Variants in IGF1R observed in about 807,000 individuals in gnomAD.
IGF1R encodes the protein insulin like growth factor 1 receptor.
A neutral mutation model predicts 144.6 loss-of-function variants in IGF1R; 44 were observed. The ratio of observed to expected loss-of-function variants is 0.30; its 90% confidence interval spans 0.24 to 0.39. The LOEUF is 0.39. Among genes scored for constraint, IGF1R ranks in the 10% least tolerant of loss-of-function variants. The pLI is 1.00. For missense variants in IGF1R, 1,355 were observed against 1,833.7 expected, an observed-to-expected ratio of 0.74 and a Z score of 4.77; for synonymous variants, 795 against 722.8, an observed-to-expected ratio of 1.10 and a Z score of -1.60.
At chr15:98,826,078 C>T (rs2056889926) in intron 2 of IGF1R, among the ~76,000 whole-genome samples, 1 of 152,148 alleles carries the variant, frequency 6.6e-6, no homozygotes, top group Admixed American at 6.5e-5. Flanking sequence ...TGGGGCCTGC[C>T]ATGTTAAATG....
At chr15:98,864,534 C>T (rs542243339) in intron 2 of IGF1R, among the ~76,000 whole-genome samples, 9 of 152,260 alleles carry the variant, frequency 5.9e-5, no homozygotes, top group Non-Finnish European at 8.8e-5. Flanking sequence ...CCACTACAGG[C>T]GTGTGCCACC....
In IGF1R at chr15:98,824,656, T is replaced by C. The variant is rs116924284; in HGVS notation, c.641-66669T>C. 9.1e-4 allele frequency among the ~76,000 whole-genome samples: 138 copies of C among 152,332 alleles called. 1 individual carries two copies. The East Asian group carries it at 0.018, about 20-fold the overall frequency. ...GCTGGGCCCTTGTCTCCCACCCCAC[T>C]GCTGTTACTCATGTGTTCTCCCACT... On this transcript the variant is annotated intron_variant, in intron 2 of 20. Coordinates refer to ENST00000650285, the MANE Select transcript of IGF1R (RefSeq NM_000875.5).
rs201419794 is a variant in IGF1R, at chr15:98,797,832, TAGAC to T, written c.640+89729_640+89732del. Among the ~76,000 whole-genome samples the T allele has an allele frequency of 8.8e-3, 1,336 of 152,218 alleles. 28 individuals carry two copies. Among genetic ancestry groups the T allele is most frequent in the African/African-American group, 0.031 (1,295 of 41,520 alleles). On this transcript the variant is annotated intron_variant, in intron 2 of 20. Transcript: ENST00000650285. ...GTGGTAGAAACAGACAACAAACAAGTAGACAGAAAATAATGTCAGACAGTGGTAA... is the reference window on the plus strand; with the variant it reads ...GTGGTAGAAACAGACAACAAACAAGTAGAAAATAATGTCAGACAGTGGTAA...
At chr15:98,796,738 G>A (rs2056251567) in intron 2 of IGF1R, among the ~76,000 whole-genome samples, 1 of 152,116 alleles carries the variant, frequency 6.6e-6, no homozygotes, top group South Asian at 2.1e-4. Context: ...CATACACACA[G>A]GCATGCACAC....
intron 2 of IGF1R, among the ~76,000 whole-genome samples, chr15:98,867,009 G>A (rs1378047585): frequency 6.6e-6 from 1 of 152,154 alleles, no homozygotes; most frequent in Admixed American, 6.5e-5. Context: ...CAGTGAAGCT[G>A]TTCTTCAGCC....
At chr15:98,876,299 A>G (rs2013055065) in intron 2 of IGF1R, among the ~76,000 whole-genome samples, 1 of 146,704 alleles carries the variant, frequency 6.8e-6, no homozygotes. Context: ...ACAAAAAAAG[A>G]AAACTATTAA....
chr15:98,740,034 G>A (rs565144799), intron 2 of IGF1R, among the ~76,000 whole-genome samples: 14 of 152,206 alleles, frequency 9.2e-5, no homozygotes, highest in African/African-American at 3.1e-4. Context: ...AGAACTCTGC[G>A]TGTTGACGAC....
At chr15:98,739,693 C>T (rs1329212361) in intron 2 of IGF1R, among the ~76,000 whole-genome samples, 1 of 152,184 alleles carries the variant, frequency 6.6e-6, no homozygotes, top group Non-Finnish European at 1.5e-5. Flanking sequence ...ACTGCAACCT[C>T]TGCCTCCCAG....
At chr15:98,801,214 T>C (rs548193920) in intron 2 of IGF1R, among the ~76,000 whole-genome samples, 1 of 152,308 alleles carries the variant, frequency 6.6e-6, no homozygotes, top group Non-Finnish European at 1.5e-5. Context: ...AGGTGACTTC[T>C]ACCTGGGGTG....
intron 2 of IGF1R, among the ~76,000 whole-genome samples, chr15:98,842,861 C>T (rs1002777302): frequency 3.9e-5 from 6 of 152,172 alleles, no homozygotes; most frequent in African/African-American, 1.4e-4. Context: ...TGCAGTGACT[C>T]GTTCACTTTG....
At chr15:98,902,615 C>T (rs1258001043) in intron 5 of IGF1R, among the ~76,000 whole-genome samples, 8 of 151,172 alleles carry the variant, frequency 5.3e-5, no homozygotes, top group Admixed American at 2.6e-4. Flanking sequence ...GGACTTTCAC[C>T]GTGTTGTTCA....
chr15:98,751,195 T>G (rs965554205), intron 2 of IGF1R, among the ~76,000 whole-genome samples: 2 of 152,152 alleles, frequency 1.3e-5, no homozygotes, highest in East Asian at 3.8e-4. Context: ...ATACACTCCT[T>G]ATTAGCTTAA....
intron 2 of IGF1R, among the ~76,000 whole-genome samples, chr15:98,717,607 C>T (rs145400425): frequency 1.6e-3 from 246 of 152,228 alleles, no homozygotes; most frequent in African/African-American, 5.8e-3. Context: ...ATGTCTATAT[C>T]GGGGTGCCAG....
At chr15:98,741,582 C>G (rs1044776822) in intron 2 of IGF1R, among the ~76,000 whole-genome samples, 2 of 152,180 alleles carry the variant, frequency 1.3e-5, no homozygotes, top group African/African-American at 4.8e-5. Context: ...CATTGATGGA[C>G]TCTCAGGTGC....
At chr15:98,742,475 G>A (rs892786195) in intron 2 of IGF1R, among the ~76,000 whole-genome samples, 4 of 152,064 alleles carry the variant, frequency 2.6e-5, no homozygotes, top group Non-Finnish European at 5.9e-5. Context: ...ATCTTTACGC[G>A]GGTGGAGGAG....
At chr15:98,759,152 C>T (rs917575690) in intron 2 of IGF1R, among the ~76,000 whole-genome samples, 2 of 152,176 alleles carry the variant, frequency 1.3e-5, no homozygotes, top group Non-Finnish European at 1.5e-5. Flanking sequence ...AGTATGTACA[C>T]ACGCACAGGG....
chr15:98,660,625 T>C (rs531299797), intron 1 of IGF1R: 4 of 152,350 alleles, frequency 2.6e-5, no homozygotes, highest in Non-Finnish European at 4.4e-5. Flanking sequence ...ATCACACCAG[T>C]TACTGCTGCA....
intron 2 of IGF1R, among the ~76,000 whole-genome samples, chr15:98,758,069 T>G (rs573507184): frequency 6.6e-6 from 1 of 152,324 alleles, no homozygotes; most frequent in East Asian, 1.9e-4. Flanking sequence ...CCTGGATGTG[T>G]TCTCTGTCTT....
rs780116299 is a variant in IGF1R, at chr15:98,707,601, A to T, written c.134A>T (p.Gln45Leu). ...PGIDIRNDYQ[Q>L]LKRLENCTVI... ...ATCGACATCCGCAACGACTATCAGC[A>T]GCTGAAGCGCCTGGAGAACTGCACG... The change falls in exon 2 of 21, where the codon CAG (glutamine) becomes CTG (leucine). Residue 45 changes from glutamine to leucine, a missense_variant. Gln to Leu is a moderately radical substitution (Grantham distance 113). Around this residue, in one of 7 missense-constraint regions of IGF1R, gnomAD observed 75 missense variants for 160.0 expected, o/e 0.47. Transcript: ENST00000650285. This position sits in a 1 kb window ranked among gnomAD's most constrained non-coding sequence, Gnocchi z 6.7. 6.2e-7 allele frequency: 1 copy of T among 1,614,224 alleles called. No homozygotes were observed. Among genetic ancestry groups the T allele is most frequent in the South Asian group, 1.1e-5 (1 of 91,076 alleles).
Sources: allele counts gnomAD v4.1 joint callset (sites outside exome capture counted in the v4.1 genomes callset), GRCh38; gene constraint gnomAD v4.1.1; regional missense constraint gnomAD v4.1.1; non-coding constraint Gnocchi (gnomAD v3.1); transcripts MANE v1.5; gene names NCBI Gene and HGNC (gene_info 2026-07-23, HGNC 2026-07-21).